PCBP3: variants seen among roughly 807,000 people sequenced by gnomAD.
PCBP3 encodes poly(rC) binding protein 3.
Under a neutral mutation model 52.7 loss-of-function variants are expected in PCBP3, and 25 were observed. That is an observed-to-expected ratio of 0.47 (90% CI 0.35 to 0.66). The LOEUF (loss-of-function observed/expected upper bound fraction) is 0.66, where lower values mean the gene tolerates loss of function less well. Among genes scored for constraint, PCBP3 ranks in the 30% least tolerant of loss-of-function variants. The probability of loss-of-function intolerance (pLI) is 0.01; values close to 1 mark genes in which losing one functional copy is unlikely to be tolerated. For synonymous variants in PCBP3, 162 were observed against 183.0 expected (o/e 0.89, Z 0.93); for missense variants, 391 against 490.3 (o/e 0.80, Z 1.91).
rs755293099 is a variant in PCBP3 at position 45,930,000 on chromosome 21, G to A, written c.796+5G>A. On this transcript the variant is annotated splice_donor_5th_base_variant and intron_variant, in intron 14 of 17. Coordinates refer to ENST00000681687, the MANE Select transcript of PCBP3 (RefSeq NM_001384156.1). ...AGACCAACCCCGCTTTCCCCGGTACGTACCCAGCCCTTTTCTCACCTCCTT... is the reference window on the plus strand; with the variant it reads ...AGACCAACCCCGCTTTCCCCGGTACATACCCAGCCCTTTTCTCACCTCCTT... 3 of 1,606,318 alleles carry A rather than the reference G, an allele frequency of 1.9e-6. No homozygotes were observed. The highest frequency in any genetic ancestry group is 1.7e-5 in the Admixed American group (1 of 59,932).
chr21:45,873,735 TTC>T (rs2095132318), intron 5 of PCBP3, among the ~76,000 whole-genome samples: 1 of 152,222 alleles, frequency 6.6e-6, no homozygotes, highest in Non-Finnish European at 1.5e-5. Flanking sequence ...TTTCATGACC[TTC>T]TGTTGAATTA....
chr21:45,811,652 A>G (rs554868758), intron 4 of PCBP3, among the ~76,000 whole-genome samples: 3 of 152,328 alleles, frequency 2.0e-5, no homozygotes, highest in Admixed American at 6.5e-5. Context: ...TCCTTACACC[A>G]GCTTTGTCTG....
At chr21:45,774,980 T>C (rs2090146940) in intron 4 of PCBP3, among the ~76,000 whole-genome samples, 1 of 152,196 alleles carries the variant, frequency 6.6e-6, no homozygotes, top group African/African-American at 2.4e-5. Flanking sequence ...TTTTATTTTG[T>C]TGTATTCTTG....
intron 16 of PCBP3, among the ~76,000 whole-genome samples, chr21:45,938,482 C>T (rs1322339395): frequency 6.6e-6 from 1 of 152,220 alleles, no homozygotes; most frequent in Admixed American, 6.5e-5. Flanking sequence ...ATCTCTCTGC[C>T]ACCAGGGAGG....
intron 2 of PCBP3, among the ~76,000 whole-genome samples, chr21:45,687,276 C>G (rs895046346): frequency 2.0e-5 from 3 of 151,968 alleles, no homozygotes; most frequent in African/African-American, 7.2e-5. Context: ...TAAAGACTTT[C>G]CAGAAAAACA....
At chr21:45,907,426 C>T (rs1049510883) in intron 9 of PCBP3, among the ~76,000 whole-genome samples, 21 of 152,214 alleles carry the variant, frequency 1.4e-4, no homozygotes, top group African/African-American at 5.1e-4. Flanking sequence ...AGGGTAGAGA[C>T]AGTCGAGGTT....
At chr21:45,897,222 C>T (rs2095856639) in intron 6 of PCBP3, among the ~76,000 whole-genome samples, 1 of 152,258 alleles carries the variant, frequency 6.6e-6, no homozygotes, top group Admixed American at 6.5e-5. Flanking sequence ...CAACCACACA[C>T]AGCCATCAGT....
At chr21:45,732,826 A>G (rs937656764) in intron 2 of PCBP3, 1 of 152,004 alleles carries the variant, frequency 6.6e-6, no homozygotes, top group Non-Finnish European at 1.5e-5. Context: ...GGCTGATTTT[A>G]AAAATGTTTT....
chr21:45,756,386 T>C (rs1325431825), intron 4 of PCBP3, among the ~76,000 whole-genome samples: 1 of 152,132 alleles, frequency 6.6e-6, no homozygotes, highest in Admixed American at 6.5e-5. Flanking sequence ...TGTAGGTCTT[T>C]TTCAAAATTG....
At chr21:45,814,358 A>T (rs1353524395) in intron 4 of PCBP3, among the ~76,000 whole-genome samples, 1 of 131,284 alleles carries the variant, frequency 7.6e-6, no homozygotes, top group East Asian at 2.4e-4. Flanking sequence ...TGAGTGGTGA[A>T]TAGTGAGTAG....
rs376045776 is a variant in PCBP3 at position 45,812,551 on chromosome 21, A to C, written c.-125-37410A>C. On this transcript the variant is annotated intron_variant, in intron 4 of 17. Coordinates refer to ENST00000681687, the MANE Select transcript of PCBP3 (RefSeq NM_001384156.1). Reference sequence around the variant, plus strand: ...CTCCCGAGTAGCTGGGATGACGCCCACCAACACACCCGGCTAATTTTTGTA... The same window carrying C: ...CTCCCGAGTAGCTGGGATGACGCCCCCCAACACACCCGGCTAATTTTTGTA... Among the ~76,000 whole-genome samples the C allele has an allele frequency of 1.5e-4, 23 of 152,234 alleles. 1 individual carries two copies. In the East Asian group the frequency reaches 4.2e-3, roughly 28 times the overall value.
intron 4 of PCBP3, among the ~76,000 whole-genome samples, chr21:45,835,124 T>C (rs1481659621): frequency 2.0e-5 from 3 of 152,170 alleles, no homozygotes; most frequent in South Asian, 2.1e-4. Context: ...GTAGGAATCA[T>C]AGGAGTTAGG....
At chr21:45,898,966 G>A (rs890962830) in intron 6 of PCBP3, among the ~76,000 whole-genome samples, 7 of 152,320 alleles carry the variant, frequency 4.6e-5, no homozygotes, top group Middle Eastern at 6.8e-3. Flanking sequence ...TCTGCATGCC[G>A]TCCTCACAGC....
chr21:45,917,174 C>G lies in PCBP3; in HGVS notation c.676-414C>G, dbSNP rs1336172857. ...GGTTTTGGTCACCTTTTAGAGCTTT[C>G]TTTTGTTGTTTGGACTTCTTGGGGT... On this transcript the variant is annotated intron_variant, in intron 12 of 17. Transcript: ENST00000681687. This position sits in a 1 kb window ranked among gnomAD's most constrained non-coding sequence, Gnocchi z 5.3. The G allele has an allele frequency of 5.8e-6, 1 of 172,686 alleles. No individual in the cohort carries two copies. The highest frequency in any genetic ancestry group is 1.2e-5 in the Non-Finnish European group (1 of 81,218). The allele number at this position is 172,686 out of a possible 1,614,324, so 10.7% of individuals were successfully genotyped here.
At chr21:45,677,535 G>T (rs2081545280) in intron 2 of PCBP3, among the ~76,000 whole-genome samples, 1 of 152,184 alleles carries the variant, frequency 6.6e-6, no homozygotes, top group Non-Finnish European at 1.5e-5. Context: ...AATAGATGAA[G>T]GTAGCTACAC....
At chr21:45,920,804 T>C (rs150695847) in intron 13 of PCBP3, among the ~76,000 whole-genome samples, 25 of 152,304 alleles carry the variant, frequency 1.6e-4, no homozygotes, top group African/African-American at 6.0e-4. Context: ...GCCCTTCCCA[T>C]ACACCAAACC....
intron 5 of PCBP3, among the ~76,000 whole-genome samples, chr21:45,879,736 TA>T (rs2095355877): frequency 1.3e-5 from 2 of 150,942 alleles, no homozygotes; most frequent in South Asian, 4.2e-4. Context: ...AGAGGAAGTA[TA>T]AAAAAATTAG....
At chr21:45,781,391 A>G (rs2090626169) in intron 4 of PCBP3, among the ~76,000 whole-genome samples, 1 of 152,244 alleles carries the variant, frequency 6.6e-6, no homozygotes, top group Non-Finnish European at 1.5e-5. Context: ...AAGACATGTG[A>G]CTGGCATATA....
rs1440262114 is a variant in PCBP3 at position 45,793,705 on chromosome 21, A to G, written c.-126+38253A>G. ...GAGACGGGAGGCGATAGCCCCTGCA[A>G]AGCTCTGGCTGGTGATTGGCATCAG... On this transcript the variant is annotated intron_variant, in intron 4 of 17. Coordinates refer to ENST00000681687, the MANE Select transcript of PCBP3 (RefSeq NM_001384156.1). 2.0e-5 allele frequency among the ~76,000 whole-genome samples: 3 copies of G among 152,304 alleles called. No homozygotes were observed. In the East Asian group the frequency reaches 5.8e-4, roughly 29 times the overall value.
Sources: allele counts gnomAD v4.1 joint callset (sites outside exome capture counted in the v4.1 genomes callset), GRCh38; gene constraint gnomAD v4.1.1; non-coding constraint Gnocchi (gnomAD v3.1); transcripts MANE v1.5; gene names NCBI Gene and HGNC (gene_info 2026-07-23, HGNC 2026-07-21).